Variants in BLK observed in about 807,000 individuals in gnomAD.
The protein encoded by BLK is tyrosine-protein kinase Blk.
Under a neutral mutation model 61.8 loss-of-function variants are expected in BLK, and 64 were observed. The ratio of observed to expected loss-of-function variants is 1.03; its 90% CI spans 0.85 to 1.27. The LOEUF (loss-of-function observed/expected upper bound fraction) is 1.27. Among genes scored for constraint, BLK ranks in the 50% most tolerant of loss-of-function variants. The pLI is 0.00. For missense variants in BLK, 853 were observed against 660.5 expected (o/e 1.29, Z -3.19); for synonymous variants, 351 against 272.0 (o/e 1.29, Z -2.86).
intron 1 of BLK, among the ~76,000 whole-genome samples, chr8:11,540,942 G>T (rs1311712993): frequency 6.6e-6 from 1 of 152,018 alleles, no homozygotes; most frequent in African/African-American, 2.4e-5. Flanking sequence ...AATCTCCCTT[G>T]GGAATACAGA....
At chr8:11,529,488 T>C (rs1799802927) in intron 1 of BLK, among the ~76,000 whole-genome samples, 2 of 152,116 alleles carry the variant, frequency 1.3e-5, no homozygotes, top group African/African-American at 4.8e-5. Flanking sequence ...TGGTGCCAGC[T>C]GATCCATCAA....
chr8:11,509,935 A>G (rs1309791316), intron 1 of BLK: 1 of 152,180 alleles, frequency 6.6e-6, no homozygotes, highest in Non-Finnish European at 1.5e-5. Flanking sequence ...TTTTTATTAT[A>G]ACATAAGCAT....
chr8:11,561,540 C>T, intron 11 of BLK, 88 bp downstream of exon 11: 1 of 1,521,508 alleles, frequency 6.6e-7, no homozygotes, highest in Non-Finnish European at 8.9e-7. Context: ...CCAGCACAGC[C>T]CTGAGGGAAG....
intron 6 of BLK, among the ~76,000 whole-genome samples, chr8:11,552,154 G>A (rs573946895): frequency 6.6e-6 from 1 of 152,318 alleles, no homozygotes; most frequent in East Asian, 1.9e-4. Flanking sequence ...GCACCCTTGG[G>A]CTGTCCATTG....
chr8:11,554,973 T>C, intron 7 of BLK, 84 bp downstream of exon 7: 1 of 1,552,934 alleles, frequency 6.4e-7, no homozygotes, highest in Non-Finnish European at 8.7e-7. Context: ...GTGTGAGTCA[T>C]TGGTGCCACC....
chr8:11,546,877 C>G (rs1800670903), intron 3 of BLK, among the ~76,000 whole-genome samples: 1 of 152,174 alleles, frequency 6.6e-6, no homozygotes, highest in African/African-American at 2.4e-5. Context: ...TGCGTGGCCC[C>G]TAGACTCCAC....
intron 2 of BLK, among the ~76,000 whole-genome samples, chr8:11,545,410 G>T: frequency 6.6e-6 from 1 of 152,296 alleles, no homozygotes; most frequent in East Asian, 1.9e-4. Context: ...TTAGCTGGGC[G>T]TGATGGCGGG....
At chr8:11,529,657 A>T (rs2448071) in intron 1 of BLK, among the ~76,000 whole-genome samples, 2,589 of 152,326 alleles carry the variant, frequency 0.017, 44 homozygotes, top group African/African-American at 0.045. Context: ...TTCCCAGGAA[A>T]GAAGGAGGGT....
chr8:11,535,801 C>A (rs748403999), intron 1 of BLK, among the ~76,000 whole-genome samples: 2 of 152,158 alleles, frequency 1.3e-5, no homozygotes, highest in African/African-American at 4.8e-5. Flanking sequence ...CCAAGAGGGG[C>A]TGAGCTTGAA....
chr8:11,518,810 G>C (rs547468189), intron 1 of BLK, among the ~76,000 whole-genome samples: 1 of 152,274 alleles, frequency 6.6e-6, no homozygotes, highest in Admixed American at 6.5e-5. Context: ...TGCTCCAAGT[G>C]CAGGGAGCCT....
At chr8:11,519,904 C>T (rs1799373103) in intron 1 of BLK, among the ~76,000 whole-genome samples, 1 of 152,118 alleles carries the variant, frequency 6.6e-6, no homozygotes, top group South Asian at 2.1e-4. Context: ...AGAAATACAC[C>T]AAAATATTCA....
At chr8:11,511,900 T>G (rs1351400391) in intron 1 of BLK, among the ~76,000 whole-genome samples, 2 of 152,202 alleles carry the variant, frequency 1.3e-5, no homozygotes, top group African/African-American at 4.8e-5. Flanking sequence ...TAAATGAAAC[T>G]ATTTACTCTT....
chr8:11,545,096 C>G lies in BLK; in HGVS notation c.124-956C>G, dbSNP rs548782758. On this transcript the variant is annotated intron_variant, in intron 2 of 12. Coordinates refer to ENST00000259089, the MANE Select transcript of BLK (RefSeq NM_001715.3). ...TAAACTTTAAATCAACTACATCAAA[C>G]AGCGCATATGCTTCTGAGACTGGGG... is the stretch of plus-strand genomic sequence containing the variant. 1.5e-4 allele frequency among the ~76,000 whole-genome samples: 23 copies of G among 152,346 alleles called. No individual in the cohort carries two copies. The South Asian group carries it at 4.6e-3, about 30-fold the overall frequency.
rs1274875308 is a variant in BLK, at chr8:11,502,430, A to G, written c.-2+7839A>G. Among the ~76,000 whole-genome samples, 5 of 151,944 alleles carry G rather than the reference A, an allele frequency of 3.3e-5. No individual in the cohort carries two copies. In the South Asian group the frequency reaches 6.2e-4, roughly 19 times the overall value. On this transcript the variant is annotated intron_variant, in intron 1 of 12. Transcript: ENST00000259089. ...GGGATTCTCCTGCCTCATCCTCCCA[A>G]TTAGCTGGGATTACAGGCACCCGCC...
chr8:11,499,568 T>C (rs987688460), intron 1 of BLK, among the ~76,000 whole-genome samples: 11 of 152,054 alleles, frequency 7.2e-5, no homozygotes, highest in Non-Finnish European at 1.5e-4. Context: ...GAAACAGAGG[T>C]TGGAAACTCA....
chr8:11,528,267 G>T (rs575842705), intron 1 of BLK, among the ~76,000 whole-genome samples: 1 of 152,074 alleles, frequency 6.6e-6, no homozygotes, highest in Non-Finnish European at 1.5e-5. Context: ...GAACTCCTGA[G>T]CTCAAGTGAT....
chr8:11,548,400 G>A (rs1263172864), intron 4 of BLK, among the ~76,000 whole-genome samples: 1 of 152,162 alleles, frequency 6.6e-6, no homozygotes, highest in East Asian at 1.9e-4. Flanking sequence ...ACTCTTTTGG[G>A]CATGTGGACC....
chr8:11,544,547 TG>T (rs1210783915), intron 2 of BLK, among the ~76,000 whole-genome samples: 1 of 152,176 alleles, frequency 6.6e-6, no homozygotes, highest in Non-Finnish European at 1.5e-5. Flanking sequence ...ATTGATCAAA[TG>T]GGGAAACTTG....
rs1244966104 is a variant in BLK, at chr8:11,563,887, G to A, written c.1313-16G>A. 6.2e-7 allele frequency: 1 copy of A among 1,605,614 alleles called. No individual in the cohort carries two copies. Among genetic ancestry groups the A allele is most frequent in the Non-Finnish European group, 8.5e-7 (1 of 1,178,084 alleles). ...CCCCAGCCCCTCACCCCCGCTTGCG[G>A]TCTCCTCTGCCGCAGGGATGAGCAA... On this transcript the variant is annotated splice_polypyrimidine_tract_variant and intron_variant, in intron 12 of 12. Transcript: ENST00000259089.
Sources: gnomAD v4.1 joint callset for allele counts (sites outside exome capture counted in the v4.1 genomes callset) on GRCh38, gnomAD v4.1.1 for gene constraint, MANE v1.5 for transcripts, NCBI Gene and HGNC (gene_info 2026-07-23, HGNC 2026-07-21) for gene names.